The following ATXN8OS variants were observed in gnomAD, a reference collection of about 807,000 sequenced individuals.
ATXN8OS encodes ATXN8 opposite strand lncRNA.
intron 4 of ATXN8OS, among the ~76,000 whole-genome samples, chr13:70,165,245 A>G (rs1406917720): frequency 1.3e-5 from 2 of 151,808 alleles, no homozygotes; most frequent in Non-Finnish European, 2.9e-5. Flanking sequence ...AGAGTAACAA[A>G]AAAAGAAAGA....
intron 3 of ATXN8OS, among the ~76,000 whole-genome samples, chr13:70,142,541 G>C (rs1214378289): frequency 6.6e-6 from 1 of 152,126 alleles, no homozygotes; most frequent in Non-Finnish European, 1.5e-5. Context: ...GTGTTAGCCT[G>C]CAAGGTGTGC....
intron 1 of ATXN8OS, among the ~76,000 whole-genome samples, chr13:70,112,416 T>A (rs1271265012): frequency 6.6e-6 from 1 of 152,300 alleles, no homozygotes; most frequent in South Asian, 2.1e-4. Flanking sequence ...TGACTTTTTT[T>A]CCCAAAATGA....
At position 70,156,097 on chromosome 13, in the gene ATXN8OS, G is replaced by A. The variant is rs550537074; in HGVS notation, n.573+8669G>A. On this transcript the variant is annotated intron_variant and non_coding_transcript_variant, in intron 4 of 4. Transcript: ENST00000678624. ...CTTTATGAACAGAAAGAAATTTTTT[G>A]ATATTTGCTCATAAACAGCCTGGAC... Among the ~76,000 whole-genome samples the A allele has an allele frequency of 1.1e-4, 16 of 151,884 alleles. No individual in the cohort carries two copies. In the East Asian group the frequency reaches 3.1e-3, roughly 29 times the overall value.
intron 3 of ATXN8OS, among the ~76,000 whole-genome samples, chr13:70,133,108 G>A (rs1210310158): frequency 6.6e-6 from 1 of 152,158 alleles, no homozygotes; most frequent in Non-Finnish European, 1.5e-5. Flanking sequence ...GGCTGTATCA[G>A]AAATAGGATG....
intron 3 of ATXN8OS, among the ~76,000 whole-genome samples, chr13:70,144,580 T>C (rs1888758057): frequency 6.6e-6 from 1 of 152,164 alleles, no homozygotes; most frequent in Non-Finnish European, 1.5e-5. Context: ...AGAGTTCTTT[T>C]TATATTTTTA....
At chr13:70,163,684 T>C (rs1889037387) in intron 4 of ATXN8OS, among the ~76,000 whole-genome samples, 1 of 151,978 alleles carries the variant, frequency 6.6e-6, no homozygotes, top group Admixed American at 6.6e-5. Flanking sequence ...AATATCTCAA[T>C]TTGTAGAGAT....
intron 3 of ATXN8OS, among the ~76,000 whole-genome samples, chr13:70,143,874 A>G (rs1273086034): frequency 6.6e-6 from 1 of 152,164 alleles, no homozygotes; most frequent in Non-Finnish European, 1.5e-5. Flanking sequence ...GGAAATTAAT[A>G]GCTATATTTT....
chr13:70,160,223 A>T (rs1172447049), intron 4 of ATXN8OS, among the ~76,000 whole-genome samples: 1 of 152,128 alleles, frequency 6.6e-6, no homozygotes, highest in Non-Finnish European at 1.5e-5. Flanking sequence ...GTATTTGTAT[A>T]TTATATATTT....
At chr13:70,136,384 G>A (rs1000750469) in intron 3 of ATXN8OS, among the ~76,000 whole-genome samples, 1 of 151,858 alleles carries the variant, frequency 6.6e-6, no homozygotes, top group South Asian at 2.1e-4. Flanking sequence ...TTAAAATTCT[G>A]TACATCTATA....
upstream of ATXN8OS, chr13:70,107,627 G>A (rs749307923): frequency 4.4e-6 from 7 of 1,574,880 alleles, no homozygotes; most frequent in Non-Finnish European, 6.0e-6. Context: ...GAAGGAGACG[G>A]GTGGCTGAAG....
chr13:70,110,699 C>A (rs1888188118), intron 1 of ATXN8OS, among the ~76,000 whole-genome samples: 1 of 151,794 alleles, frequency 6.6e-6, no homozygotes, highest in East Asian at 1.9e-4. Flanking sequence ...TTGTAAAATA[C>A]TGCACTAATT....
chr13:70,152,921 A>C (rs937979423), intron 4 of ATXN8OS, among the ~76,000 whole-genome samples: 3 of 152,108 alleles, frequency 2.0e-5, no homozygotes, highest in Non-Finnish European at 4.4e-5. Flanking sequence ...AGGGAAAACC[A>C]ACCAATAACC....
At chr13:70,107,677 T>C (rs754369885), upstream of ATXN8OS, 1 of 1,533,220 alleles carries the variant, frequency 6.5e-7, no homozygotes, top group Non-Finnish European at 8.7e-7. Context: ...CACATCGAAG[T>C]CTTTTCGCCC....
upstream of ATXN8OS, chr13:70,107,682 T>A: frequency 6.5e-7 from 1 of 1,530,620 alleles, no homozygotes; most frequent in Non-Finnish European, 8.7e-7. Flanking sequence ...CGAAGTCTTT[T>A]CGCCCAGAGC....
chr13:70,120,547 C>CTA (rs1180921313), intron 2 of ATXN8OS, among the ~76,000 whole-genome samples: 1 of 152,122 alleles, frequency 6.6e-6, no homozygotes, highest in Non-Finnish European at 1.5e-5. Flanking sequence ...TAACCATGCA[C>CTA]TATAAAGCAA....
At chr13:70,113,747 C>T (rs1323034533) in intron 1 of ATXN8OS, among the ~76,000 whole-genome samples, 1 of 152,136 alleles carries the variant, frequency 6.6e-6, no homozygotes, top group African/African-American at 2.4e-5. Context: ...CAGGTTACTA[C>T]ATTTCTCTTT....
chr13:70,128,322 T>G (rs1259090386), intron 2 of ATXN8OS, among the ~76,000 whole-genome samples: 1 of 152,168 alleles, frequency 6.6e-6, no homozygotes, highest in Non-Finnish European at 1.5e-5. Flanking sequence ...CAGTTGGATA[T>G]CTACATGATG....
intron 4 of ATXN8OS, among the ~76,000 whole-genome samples, chr13:70,150,031 T>C (rs1888841966): frequency 6.6e-6 from 1 of 152,160 alleles, no homozygotes. Flanking sequence ...CTATGGCTTC[T>C]GTAGGAACAT....
chr13:70,109,689 TTTTG>T (rs970922452), intron 1 of ATXN8OS, among the ~76,000 whole-genome samples: 17 of 152,306 alleles, frequency 1.1e-4, no homozygotes, highest in African/African-American at 4.1e-4. Context: ...TTCAGTGATT[TTTTG>T]TTTGTTTTTT....
Sources: gnomAD v4.1 joint callset for allele counts (sites outside exome capture counted in the v4.1 genomes callset) on GRCh38, gnomAD v4.1.1 for gene constraint, MANE v1.5 for transcripts, NCBI Gene and HGNC (gene_info 2026-07-23, HGNC 2026-07-21) for gene names.